GRID1: variants seen among roughly 807,000 people sequenced by gnomAD.
GRID1 encodes the protein glutamate ionotropic receptor delta type subunit 1, also known as glutamate receptor ionotropic, delta-1.
A neutral mutation model predicts 98.0 loss-of-function variants in GRID1; 28 were observed. The observed-to-expected ratio is 0.29, with a 90% CI of 0.21 to 0.39. The LOEUF is 0.39. GRID1 is among the 10% of genes least tolerant of loss of function. The pLI is 1.00. For synonymous variants in GRID1, 553 were observed against 538.5 expected, an observed-to-expected ratio of 1.03 and a Z score of -0.37; for missense variants, 1,111 against 1,340.5, an observed-to-expected ratio of 0.83 and a Z score of 2.67.
intron 15 of GRID1, among the ~76,000 whole-genome samples, chr10:85,609,441 G>A (rs1433932333): frequency 6.6e-6 from 1 of 152,200 alleles, no homozygotes; most frequent in Non-Finnish European, 1.5e-5. Context: ...CAACGCTGTG[G>A]GTTGGCATAA....
At chr10:86,122,374 T>C (rs959883525) in intron 4 of GRID1, among the ~76,000 whole-genome samples, 5 of 152,236 alleles carry the variant, frequency 3.3e-5, no homozygotes, top group Admixed American at 3.3e-4. Context: ...AGCAGGATCA[T>C]TCCCTGCACA....
chr10:85,717,544 T>C (rs1441051619), intron 12 of GRID1, among the ~76,000 whole-genome samples: 5 of 152,150 alleles, frequency 3.3e-5, no homozygotes, highest in Non-Finnish European at 1.5e-5. Flanking sequence ...TACCTCTCCC[T>C]GGATCCCTCC....
chr10:85,736,068 GGGAAGGAAGGAGAGAAGGAA>G (rs755650172), intron 8 of GRID1, among the ~76,000 whole-genome samples: 145 of 115,862 alleles, frequency 1.3e-3, no homozygotes, highest in African/African-American at 2.2e-3. Context: ...GAAGGAGAGA[GGGAAGGAAGGAGAGAAGGAA>G]GGAAGGAAGG....
At chr10:85,809,282 C>CA (rs1466657638) in intron 8 of GRID1, among the ~76,000 whole-genome samples, 1 of 151,976 alleles carries the variant, frequency 6.6e-6, no homozygotes, top group Non-Finnish European at 1.5e-5. Context: ...ATTGTTGTCT[C>CA]AAAAGAAGAG....
intron 8 of GRID1, among the ~76,000 whole-genome samples, chr10:85,764,540 C>T (rs1273609265): frequency 1.3e-5 from 2 of 152,176 alleles, no homozygotes; most frequent in Admixed American, 6.5e-5. Context: ...GAACCCCGTG[C>T]CCTGCAGGGG....
intron 4 of GRID1, among the ~76,000 whole-genome samples, chr10:85,919,339 C>G (rs1010472078): frequency 6.6e-6 from 1 of 152,358 alleles, no homozygotes; most frequent in East Asian, 1.9e-4. Context: ...TCCTACTTTT[C>G]CTCACCAATT....
intron 8 of GRID1, among the ~76,000 whole-genome samples, chr10:85,806,466 C>T (rs1385987638): frequency 6.6e-6 from 1 of 151,858 alleles, no homozygotes; most frequent in Non-Finnish European, 1.5e-5. Flanking sequence ...TTAATTAAGA[C>T]AAATTAAAGC....
At position 86,311,387 on chromosome 10, in the gene GRID1, C is replaced by A. The variant is rs558413597; in HGVS notation, c.235+52554G>T. Among the ~76,000 whole-genome samples, 6 of 152,332 alleles carry A rather than the reference C, an allele frequency of 3.9e-5. No homozygotes were observed. The East Asian group carries it at 7.7e-4, about 20-fold the overall frequency. The stretch of plus-strand genomic sequence containing the variant: ...CAGCTGGGAGACCTAATCAGGACAG[C>A]AGATGGGTGTCACCCATATACTTGC... On this transcript the variant is annotated intron_variant, in intron 2 of 15. Transcript: ENST00000327946.
In GRID1 at chr10:86,187,345, G is replaced by A. The variant is rs909411910; in HGVS notation, c.520+19019C>T. 6.6e-5 allele frequency among the ~76,000 whole-genome samples: 10 copies of A among 152,272 alleles called. No individual in the cohort carries two copies. In the South Asian group the frequency reaches 8.3e-4, roughly 13 times the overall value. ...CTTACAAGAAGGCTATGATGTAGACGCCTACAGGCAACCTGAGACATGGAG... is the reference window on the plus strand; with the variant it reads ...CTTACAAGAAGGCTATGATGTAGACACCTACAGGCAACCTGAGACATGGAG... On this transcript the variant is annotated intron_variant, in intron 3 of 15. Transcript: ENST00000327946.
chr10:86,341,561 C>T (rs531633911), intron 2 of GRID1, among the ~76,000 whole-genome samples: 10 of 152,304 alleles, frequency 6.6e-5, no homozygotes, highest in South Asian at 4.1e-4. Context: ...CCCTCTCCTG[C>T]GGCTCCCAGA....
At chr10:85,785,676 GC>G (rs1486144216) in intron 8 of GRID1, among the ~76,000 whole-genome samples, 12 of 152,124 alleles carry the variant, frequency 7.9e-5, no homozygotes, top group Non-Finnish European at 1.6e-4. Flanking sequence ...CAGTAAAGCA[GC>G]CTCATTGGAC....
intron 2 of GRID1, 60 bp downstream of exon 2, chr10:86,363,881 C>T: frequency 6.9e-7 from 1 of 1,452,368 alleles, no homozygotes; most frequent in South Asian, 1.2e-5. Flanking sequence ...CTCCGGTGCC[C>T]ACTGCTGCGA....
intron 4 of GRID1, among the ~76,000 whole-genome samples, chr10:85,953,391 A>G (rs1842149954): frequency 6.6e-6 from 1 of 152,182 alleles, no homozygotes. Flanking sequence ...CAGGGAGAGG[A>G]TCAGGAAAAA....
At chr10:85,948,696 G>T (rs1349928290) in intron 4 of GRID1, among the ~76,000 whole-genome samples, 1 of 152,122 alleles carries the variant, frequency 6.6e-6, no homozygotes, top group African/African-American at 2.4e-5. Context: ...TTTTGTTTTT[G>T]ATGCAACTTG....
chr10:85,645,271 G>A (rs1449312432), intron 13 of GRID1, among the ~76,000 whole-genome samples: 2 of 152,058 alleles, frequency 1.3e-5, no homozygotes, highest in Admixed American at 6.5e-5. Flanking sequence ...GAAAGGGAAC[G>A]CGAAGGCCAT....
chr10:85,667,686 T>C (rs1452721937), intron 12 of GRID1, among the ~76,000 whole-genome samples: 1 of 152,212 alleles, frequency 6.6e-6, no homozygotes, highest in Non-Finnish European at 1.5e-5. Flanking sequence ...GTCTGGCTTC[T>C]TCCCCAGTGT....
At chr10:85,695,779 C>CA (rs774704723) in intron 12 of GRID1, among the ~76,000 whole-genome samples, 12 of 151,538 alleles carry the variant, frequency 7.9e-5, no homozygotes, top group East Asian at 3.9e-4. Flanking sequence ...ACCAAACAAA[C>CA]AAAAAAAACA....
intron 8 of GRID1, among the ~76,000 whole-genome samples, chr10:85,799,345 A>C (rs1211390338): frequency 6.6e-6 from 1 of 152,108 alleles, no homozygotes; most frequent in African/African-American, 2.4e-5. Flanking sequence ...GCTCCATACA[A>C]AGTTTAGAAC....
At chr10:85,878,104 G>C (rs1319041460) in intron 5 of GRID1, among the ~76,000 whole-genome samples, 1 of 152,182 alleles carries the variant, frequency 6.6e-6, no homozygotes, top group Admixed American at 6.5e-5. Context: ...AAACCTCCAA[G>C]AAATATGGGA....
Sources: gnomAD v4.1 joint callset for allele counts (sites outside exome capture counted in the v4.1 genomes callset) on GRCh38, gnomAD v4.1.1 for gene constraint, MANE v1.5 for transcripts, NCBI Gene and HGNC (gene_info 2026-07-23, HGNC 2026-07-21) for gene names.